Variants in LNX2 observed in about 807,000 individuals in gnomAD.
LNX2 encodes ligand of Numb protein X 2.
Under a neutral mutation model 66.2 loss-of-function variants are expected in LNX2, and 35 were observed. The observed-to-expected ratio is 0.53, with a 90% CI of 0.40 to 0.70. The LOEUF (loss-of-function observed/expected upper bound fraction) is 0.70, where lower values mean the gene tolerates loss of function less well. Among genes scored for constraint, LNX2 ranks in the 30% least tolerant of loss-of-function variants. The pLI is 0.00. For missense variants in LNX2, 791 were observed against 850.8 expected (o/e 0.93, Z 0.87); for synonymous variants, 337 against 315.6 (o/e 1.07, Z -0.72).
intron 1 of LNX2, among the ~76,000 whole-genome samples, chr13:27,589,174 C>A (rs74446315): frequency 5.3e-5 from 8 of 152,178 alleles, no homozygotes; most frequent in African/African-American, 1.9e-4. Flanking sequence ...CTTGATTGAG[C>A]CTTGCTATAG....
intron 1 of LNX2, among the ~76,000 whole-genome samples, chr13:27,614,542 G>A (rs2138488383): frequency 6.6e-6 from 1 of 151,710 alleles, no homozygotes; most frequent in Middle Eastern, 3.4e-3. Context: ...CAGGTAGGCT[G>A]ATCTGGGTAA....
At chr13:27,549,926 T>C (rs925459614) in intron 9 of LNX2, among the ~76,000 whole-genome samples, 1 of 152,210 alleles carries the variant, frequency 6.6e-6, no homozygotes, top group African/African-American at 2.4e-5. Flanking sequence ...GTGGGAAACT[T>C]ACTCAGCGCT....
At chr13:27,616,405 G>A (rs916402206) in intron 1 of LNX2, among the ~76,000 whole-genome samples, 10 of 152,054 alleles carry the variant, frequency 6.6e-5, no homozygotes, top group Admixed American at 2.6e-4. Context: ...CGGACTTAAA[G>A]TCTATGTTAA....
chr13:27,559,092 A>G (rs549794523), intron 6 of LNX2, among the ~76,000 whole-genome samples: 1 of 152,312 alleles, frequency 6.6e-6, no homozygotes, highest in East Asian at 1.9e-4. Context: ...CTGGAAGTTA[A>G]GAGTTCAAAT....
At chr13:27,550,542 G>A (rs1167782479) in intron 8 of LNX2, 51 bp from the exon 9 acceptor site, 1 of 1,452,750 alleles carries the variant, frequency 6.9e-7, no homozygotes, top group Non-Finnish European at 9.4e-7. Context: ...GGCTTTTATA[G>A]CCGCTTATTT....
intron 1 of LNX2, among the ~76,000 whole-genome samples, chr13:27,585,949 A>G (rs953947128): frequency 1.3e-5 from 2 of 150,346 alleles, no homozygotes; most frequent in African/African-American, 2.4e-5. Flanking sequence ...CCATTTAGTA[A>G]CAGCGGTCTA....
chr13:27,552,983 G>A (rs1955022186), intron 8 of LNX2, among the ~76,000 whole-genome samples: 1 of 152,144 alleles, frequency 6.6e-6, no homozygotes, highest in Non-Finnish European at 1.5e-5. Context: ...AGCCCACTGA[G>A]GAGCCTTGAC....
chr13:27,604,785 C>T (rs892974614), intron 1 of LNX2, among the ~76,000 whole-genome samples: 1 of 151,224 alleles, frequency 6.6e-6, no homozygotes, highest in Non-Finnish European at 1.5e-5. Context: ...GTTGCAACCC[C>T]TTTTCTTATG....
chr13:27,604,784 CCTTTT>C (rs1414719071), intron 1 of LNX2, among the ~76,000 whole-genome samples: 2 of 151,402 alleles, frequency 1.3e-5, no homozygotes, highest in African/African-American at 4.8e-5. Context: ...TGTTGCAACC[CCTTTT>C]CTTATGCTTG....
intron 7 of LNX2, among the ~76,000 whole-genome samples, chr13:27,553,732 G>A (rs951723583): frequency 1.3e-5 from 2 of 152,134 alleles, no homozygotes; most frequent in Admixed American, 1.3e-4. Flanking sequence ...GTTTAGCTGT[G>A]TACAGGCCCT....
At chr13:27,575,408 A>G (rs1955331626) in intron 2 of LNX2, among the ~76,000 whole-genome samples, 1 of 152,166 alleles carries the variant, frequency 6.6e-6, no homozygotes. Context: ...TAGCATGTGA[A>G]TCAGTGGACT....
chr13:27,549,895 G>A (rs567191109), intron 9 of LNX2, among the ~76,000 whole-genome samples: 2 of 152,340 alleles, frequency 1.3e-5, no homozygotes, highest in South Asian at 4.1e-4. Flanking sequence ...CTAATGACAG[G>A]ACTGGACCTG....
intron 1 of LNX2, among the ~76,000 whole-genome samples, chr13:27,595,264 C>T (rs1037296686): frequency 3.9e-5 from 6 of 152,200 alleles, no homozygotes. Flanking sequence ...CACCCAAACA[C>T]AAGCTCTCAC....
At position 27,569,206 on chromosome 13, in the gene LNX2, C is replaced by T; in HGVS notation, c.478G>A (p.Glu160Lys). 6.2e-7 allele frequency: 1 copy of T among 1,613,344 alleles called. No individual in the cohort carries two copies. The highest frequency in any genetic ancestry group is 8.5e-7 in the Non-Finnish European group (1 of 1,179,668). The change falls in exon 3 of 10, where the codon GAG becomes AAG. Residue 160 changes from glutamate to lysine, a missense_variant. Transcript: ENST00000316334. ...RKTSRTQAEIENENGPTLLDP... is the reference protein window; with the variant it reads ...RKTSRTQAEIKNENGPTLLDP... ...AGTAGAGTGGGCCCATTTTCATTCT[C>T]AATCTCTGCTTGAGTTCTACTAGTT...
intron 4 of LNX2, among the ~76,000 whole-genome samples, chr13:27,566,423 T>C (rs772486358): frequency 3.9e-5 from 6 of 152,168 alleles, no homozygotes; most frequent in Non-Finnish European, 7.3e-5. Context: ...GTGCCTAGAA[T>C]GTTGTGAGAA....
intron 9 of LNX2, among the ~76,000 whole-genome samples, chr13:27,548,749 A>T (rs1361378753): frequency 6.6e-6 from 1 of 152,186 alleles, no homozygotes; most frequent in Non-Finnish European, 1.5e-5. Context: ...TATAGAGTAA[A>T]TATGCTCTCT....
intron 1 of LNX2, among the ~76,000 whole-genome samples, chr13:27,585,409 A>C (rs1366302057): frequency 6.6e-6 from 1 of 151,966 alleles, no homozygotes; most frequent in African/African-American, 2.4e-5. Context: ...GCAACACAGC[A>C]AGACTCTGTC....
chr13:27,576,119 C>A (rs1388599336), intron 2 of LNX2, among the ~76,000 whole-genome samples: 1 of 152,032 alleles, frequency 6.6e-6, no homozygotes, highest in African/African-American at 2.4e-5. Context: ...AAGCAAAAGA[C>A]AGAAAAACAT....
chr13:27,608,797 T>TTTTTG lies in LNX2; in HGVS notation c.-101+11573_-101+11577dup, dbSNP rs58647987. ...TACTTAGAGAGCAATTTCTTTGAGT[T>TTTTTG]TTTTGTTTTGTTTTGTTTTGGTGGG... On this transcript the variant is annotated intron_variant, in intron 1 of 9. Transcript: ENST00000316334. Among the ~76,000 whole-genome samples, 222 of 150,972 alleles carry TTTTTG rather than the reference T, an allele frequency of 1.5e-3. 1 individual carries two copies. The East Asian group carries it at 0.016, about 11-fold the overall frequency.
Sources: allele counts gnomAD v4.1 joint callset (sites outside exome capture counted in the v4.1 genomes callset), GRCh38; gene constraint gnomAD v4.1.1; transcripts MANE v1.5; gene names NCBI Gene and HGNC (gene_info 2026-07-23, HGNC 2026-07-21).